CORO2B: variants seen among roughly 807,000 people sequenced by gnomAD.
CORO2B encodes coronin 2B.
Under a neutral mutation model 58.8 loss-of-function variants are expected in CORO2B, and 26 were observed. That is an observed-to-expected ratio of 0.44 (90% CI 0.32 to 0.61). CORO2B has a LOEUF of 0.61. CORO2B is among the 20% of genes least tolerant of loss of function. The pLI, the probability that CORO2B is intolerant of heterozygous loss-of-function variation, is 0.04. For synonymous variants in CORO2B, 242 were observed against 253.8 expected, an observed-to-expected ratio of 0.95 and a Z score of 0.44; for missense variants, 460 against 645.1, an observed-to-expected ratio of 0.71 and a Z score of 3.11.
At chr15:68,543,172 G>A in the CORO2B span, among the ~76,000 whole-genome samples, 1 of 152,200 alleles carries the variant, frequency 6.6e-6, no homozygotes, top group African/African-American at 2.4e-5. Flanking sequence ...CAGTGACCCT[G>A]GCCTTCGAGA....
intron 1 of CORO2B, among the ~76,000 whole-genome samples, chr15:68,600,281 G>A (rs2081912833): frequency 6.6e-6 from 1 of 152,168 alleles, no homozygotes; most frequent in Non-Finnish European, 1.5e-5. Context: ...TGGCTCCAGT[G>A]TCACCTCCTC....
intron 3 of CORO2B, among the ~76,000 whole-genome samples, chr15:68,702,821 CTTTTTTTTTTTTT>C (rs113249272): frequency 1.0e-5 from 1 of 96,256 alleles, no homozygotes; most frequent in African/African-American, 4.5e-5. Context: ...TTTTCTTTTT[CTTTTTTTTTTTTT>C]TTTTTTTTTT....
the CORO2B span, among the ~76,000 whole-genome samples, chr15:68,537,278 G>A: frequency 6.6e-6 from 1 of 152,116 alleles, no homozygotes; most frequent in African/African-American, 2.4e-5. Context: ...TCCCTTCAGG[G>A]TGGTTCTGGA....
intron 2 of CORO2B, among the ~76,000 whole-genome samples, chr15:68,678,627 T>C (rs1408254403): frequency 6.6e-6 from 1 of 152,128 alleles, no homozygotes; most frequent in Non-Finnish European, 1.5e-5. Flanking sequence ...TGAGCTGAGA[T>C]TGTGCCACTG....
intron 1 of CORO2B, among the ~76,000 whole-genome samples, chr15:68,598,853 CT>C (rs1210609888): frequency 1.3e-5 from 2 of 152,188 alleles, no homozygotes; most frequent in African/African-American, 4.8e-5. Flanking sequence ...AGTGACTCTG[CT>C]TGCGGGAAGC....
At chr15:68,712,330 G>A (rs1160457992) in intron 5 of CORO2B, among the ~76,000 whole-genome samples, 1 of 152,108 alleles carries the variant, frequency 6.6e-6, no homozygotes, top group Non-Finnish European at 1.5e-5. Context: ...GTTTACCTTG[G>A]AATAGTCCAA....
intron 2 of CORO2B, among the ~76,000 whole-genome samples, chr15:68,658,403 C>T (rs1901896607): frequency 2.6e-5 from 4 of 152,232 alleles, no homozygotes; most frequent in Non-Finnish European, 5.9e-5. Flanking sequence ...TTCCTGCCTT[C>T]GGCCAGTGAG....
intron 2 of CORO2B, among the ~76,000 whole-genome samples, chr15:68,654,433 G>T (rs554756406): frequency 6.6e-6 from 1 of 152,310 alleles, no homozygotes; most frequent in East Asian, 1.9e-4. Flanking sequence ...ATAGTAGCTG[G>T]TTCACTAGGA....
rs551306968 is a variant in CORO2B, at chr15:68,645,750, A to C, written c.216+390A>C. On this transcript the variant is annotated intron_variant, in intron 2 of 11. Coordinates refer to ENST00000261861, the MANE Select transcript of CORO2B (RefSeq NM_006091.5). The surrounding 1 kb of genome is among the most constrained non-coding windows in gnomAD (Gnocchi z 4.5). ...GGATGAAGACCTAGCCATAGGTATTATACATTGAGCATCTGCAAAAATTAT... is the reference window on the plus strand; with the variant it reads ...GGATGAAGACCTAGCCATAGGTATTCTACATTGAGCATCTGCAAAAATTAT... Among the ~76,000 whole-genome samples the C allele has an allele frequency of 3.9e-5, 6 of 152,208 alleles. No homozygotes were observed. Among genetic ancestry groups the C allele is most frequent in the Admixed American group, 1.3e-4 (2 of 15,300 alleles).
At chr15:68,594,300 AT>A (rs1899774756) in intron 1 of CORO2B, among the ~76,000 whole-genome samples, 1 of 152,222 alleles carries the variant, frequency 6.6e-6, no homozygotes, top group Admixed American at 6.5e-5. Flanking sequence ...TGACTGAAGC[AT>A]CCCCAAGAAT....
chr15:68,676,011 A>G lies in CORO2B; in HGVS notation c.217-19129A>G, dbSNP rs577267934. On this transcript the variant is annotated intron_variant, in intron 2 of 11. Coordinates refer to ENST00000261861, the MANE Select transcript of CORO2B (RefSeq NM_006091.5). ...TAGAATAGAATAATGCTAGGAGGAG[A>G]AATTGATTAGGGAAGGGGACAGGGG... is the stretch of plus-strand genomic sequence containing the variant. Among the ~76,000 whole-genome samples, 30 of 152,280 alleles carry G rather than the reference A, an allele frequency of 2.0e-4. No individual in the cohort carries two copies. The South Asian group carries it at 2.1e-3, about 11-fold the overall frequency.
intron 1 of CORO2B, among the ~76,000 whole-genome samples, chr15:68,587,692 AT>A (rs1899602125): frequency 6.6e-6 from 1 of 152,186 alleles, no homozygotes; most frequent in Non-Finnish European, 1.5e-5. Flanking sequence ...AGCATATACA[AT>A]ATGTTTTATA....
the CORO2B span, among the ~76,000 whole-genome samples, chr15:68,538,885 A>G: frequency 2.4e-4 from 36 of 152,124 alleles, 1 homozygote; most frequent in Admixed American, 2.4e-3. Context: ...GGAAGGAGAT[A>G]TGGCCAGGGA....
intron 1 of CORO2B, among the ~76,000 whole-genome samples, chr15:68,636,148 T>C (rs190090806): frequency 6.6e-6 from 1 of 152,354 alleles, no homozygotes; most frequent in East Asian, 1.9e-4. Context: ...TGTAGAATGC[T>C]TAGCTCATCG....
intron 1 of CORO2B, among the ~76,000 whole-genome samples, chr15:68,630,738 A>G (rs1040932241): frequency 2.0e-5 from 3 of 152,156 alleles, no homozygotes; most frequent in Non-Finnish European, 4.4e-5. Context: ...GTGGCTCCAC[A>G]GTGCCATCAA....
rs887658544 is a variant in CORO2B, at chr15:68,710,467, G to A, written c.334-265G>A. On this transcript the variant is annotated intron_variant, in intron 3 of 11. Transcript: ENST00000261861. This position sits in a 1 kb window ranked among gnomAD's most constrained non-coding sequence, Gnocchi z 4.1. ...TTATCCGGGCTAGGCCACAGCAGTA[G>A]CAACATGCCAGTAATAACAGTTCTT... Among the ~76,000 whole-genome samples, 1 of 152,230 alleles carries A rather than the reference G, an allele frequency of 6.6e-6. No individual in the cohort carries two copies. Among genetic ancestry groups the A allele is most frequent in the African/African-American group, 2.4e-5 (1 of 41,468 alleles).
rs1390918291 is a variant in CORO2B, at chr15:68,688,990, G to A, written c.217-6150G>A. On this transcript the variant is annotated intron_variant, in intron 2 of 11. Transcript: ENST00000261861. Reference sequence around the variant, plus strand: ...AGACACCCTATCTGCCAATAACTCTGTCTGTTGGCATTGGCACACAGGGTG... The same window carrying A: ...AGACACCCTATCTGCCAATAACTCTATCTGTTGGCATTGGCACACAGGGTG... 2.0e-5 allele frequency among the ~76,000 whole-genome samples: 3 copies of A among 151,648 alleles called. 1 individual carries two copies. The highest frequency in any genetic ancestry group is 4.0e-4 in the East Asian group (2 of 4,986).
chr15:68,677,730 A>G (rs1902634813), intron 2 of CORO2B, among the ~76,000 whole-genome samples: 1 of 151,994 alleles, frequency 6.6e-6, no homozygotes, highest in African/African-American at 2.4e-5. Context: ...AAACAACCCT[A>G]CCAGGTTGGA....
At chr15:68,562,353 A>G in the CORO2B span, among the ~76,000 whole-genome samples, 1 of 152,146 alleles carries the variant, frequency 6.6e-6, no homozygotes, top group African/African-American at 2.4e-5. Flanking sequence ...CTGAGACTGT[A>G]GCTCCCTGCA....
Sources: allele counts gnomAD v4.1 joint callset (sites outside exome capture counted in the v4.1 genomes callset), GRCh38; gene constraint gnomAD v4.1.1; non-coding constraint Gnocchi (gnomAD v3.1); transcripts MANE v1.5; gene names NCBI Gene and HGNC (gene_info 2026-07-23, HGNC 2026-07-21).